The following SPHKAP variants were observed in gnomAD, a reference collection of about 807,000 sequenced individuals.
SPHKAP encodes the protein A-kinase anchor protein SPHKAP.
A neutral mutation model predicts 137.5 loss-of-function variants in SPHKAP; 67 were observed. That is an observed-to-expected ratio of 0.49 (90% CI 0.40 to 0.60). The LOEUF (loss-of-function observed/expected upper bound fraction) is 0.60, where lower values mean the gene tolerates loss of function less well. Among genes scored for constraint, SPHKAP ranks in the 20% least tolerant of loss-of-function variants. The pLI is 0.00. For synonymous variants in SPHKAP, 813 were observed against 785.3 expected (o/e 1.04, Z -0.59); for missense variants, 2,097 against 2,069.3 (o/e 1.01, Z -0.26).
intron 3 of SPHKAP, among the ~76,000 whole-genome samples, chr2:228,069,369 G>A (rs1328354893): frequency 6.6e-6 from 1 of 151,740 alleles, no homozygotes; most frequent in Non-Finnish European, 1.5e-5. Context: ...TCCACTCCTT[G>A]CACTGTACCT....
chr2:228,001,624 G>A (rs1358377950), intron 7 of SPHKAP, among the ~76,000 whole-genome samples: 3 of 150,238 alleles, frequency 2.0e-5, no homozygotes, highest in Non-Finnish European at 4.4e-5. Context: ...CAATGTGCAG[G>A]TTTGTTACAT....
chr2:228,035,608 A>G (rs1162677632), intron 3 of SPHKAP, among the ~76,000 whole-genome samples: 1 of 152,258 alleles, frequency 6.6e-6, no homozygotes, highest in African/African-American at 2.4e-5. Flanking sequence ...AGCTGGAGGC[A>G]TCACACTGCC....
At chr2:228,095,672 AG>A (rs1455589348) in intron 3 of SPHKAP, among the ~76,000 whole-genome samples, 5 of 152,176 alleles carry the variant, frequency 3.3e-5, no homozygotes, top group Non-Finnish European at 1.5e-5. Context: ...TAGTAAAAGA[AG>A]GGACATAGTG....
intron 3 of SPHKAP, among the ~76,000 whole-genome samples, chr2:228,091,789 G>A (rs139017375): frequency 1.3e-5 from 2 of 152,226 alleles, no homozygotes; most frequent in Non-Finnish European, 2.9e-5. Flanking sequence ...CATAAATGTG[G>A]TGAAAAGGGA....
intron 1 of SPHKAP, among the ~76,000 whole-genome samples, chr2:228,178,659 A>T (rs1021662671): frequency 1.1e-4 from 16 of 150,760 alleles, no homozygotes; most frequent in African/African-American, 3.9e-4. Flanking sequence ...TCCCTCTTAA[A>T]TTTTTTTTTT....
chr2:228,046,704 A>G (rs1696070927), intron 3 of SPHKAP, among the ~76,000 whole-genome samples: 1 of 152,202 alleles, frequency 6.6e-6, no homozygotes, highest in East Asian at 1.9e-4. Flanking sequence ...AACAACAAAA[A>G]GAATAAAGAA....
chr2:228,062,297 G>T (rs1370795857), intron 3 of SPHKAP, among the ~76,000 whole-genome samples: 1 of 151,510 alleles, frequency 6.6e-6, no homozygotes, highest in African/African-American at 2.4e-5. Context: ...GCTAATTTTT[G>T]TGTTTTTAGT....
In SPHKAP at chr2:228,026,673, T is replaced by C. The variant is rs115239988; in HGVS notation, c.306+811A>G. The stretch of plus-strand genomic sequence containing the variant: ...ATTCTATCAAATACAATTGTATGTG[T>C]AATTTCTTTTGAAAATCCCATAGTA... On this transcript the variant is annotated intron_variant, in intron 4 of 11. Coordinates refer to ENST00000392056, the MANE Select transcript of SPHKAP (RefSeq NM_001142644.2). Among the ~76,000 whole-genome samples, 1,483 of 152,336 alleles carry C rather than the reference T, an allele frequency of 9.7e-3. 24 individuals carry two copies. The highest frequency in any genetic ancestry group is 0.035 in the African/African-American group (1,435 of 41,588).
At chr2:228,005,372 AC>A (rs1694088482) in intron 7 of SPHKAP, among the ~76,000 whole-genome samples, 1 of 152,006 alleles carries the variant, frequency 6.6e-6, no homozygotes, top group African/African-American at 2.4e-5. Flanking sequence ...TAGGATTGTA[AC>A]CCCTGCCTTT....
intron 2 of SPHKAP, among the ~76,000 whole-genome samples, chr2:228,125,183 G>T (rs754205059): frequency 4.6e-5 from 7 of 152,122 alleles, no homozygotes; most frequent in Non-Finnish European, 1.0e-4. Flanking sequence ...TGAATCCTAT[G>T]CAGAGACTCG....
In SPHKAP at chr2:228,016,423, G is replaced by A. The variant is rs749021601; in HGVS notation, c.4431C>T (p.Ser1477=). 22 of 1,599,506 alleles carry A rather than the reference G, an allele frequency of 1.4e-5. No homozygotes were observed. The highest frequency in any genetic ancestry group is 3.4e-4 in the Middle Eastern group (2 of 5,948). ...DVVRGGDTAV[S]ACQIHSDSLD... ...TCACTCACCTATGGATTTGACAAGC[G>A]CTCACGGCTGTGTCTCCACCTCTCA... is the stretch of plus-strand genomic sequence containing the variant. Residue 1477 remains serine, a synonymous_variant, in exon 7 of 12, where the codon AGC becomes AGT. Transcript: ENST00000392056.
chr2:228,037,056 A>C (rs1338327018), intron 3 of SPHKAP, among the ~76,000 whole-genome samples: 1 of 152,020 alleles, frequency 6.6e-6, no homozygotes, highest in Non-Finnish European at 1.5e-5. Context: ...AATAGATAAA[A>C]TATTTTTCAG....
At chr2:228,162,373 T>C (rs779966808) in intron 1 of SPHKAP, among the ~76,000 whole-genome samples, 1 of 152,252 alleles carries the variant, frequency 6.6e-6, no homozygotes, top group Non-Finnish European at 1.5e-5. Context: ...TGTGGAAATG[T>C]CTCTTATATT....
At chr2:228,118,240 G>GTTTTTTTTTTTTTTTTTTTTT (rs71299665) in intron 2 of SPHKAP, among the ~76,000 whole-genome samples, 3 of 124,146 alleles carry the variant, frequency 2.4e-5, no homozygotes, top group African/African-American at 3.0e-5. Context: ...GAGATACACA[G>GTTTTTTTTTTTTTTTTTTTTT]TTTTTTTTTT....
chr2:228,093,182 T>A (rs559488983), intron 3 of SPHKAP, among the ~76,000 whole-genome samples: 1 of 152,328 alleles, frequency 6.6e-6, no homozygotes, highest in South Asian at 2.1e-4. Context: ...CTAGTGGGAA[T>A]GTAAAATGGT....
At chr2:228,178,456 AGACT>A (rs1700800966) in intron 1 of SPHKAP, among the ~76,000 whole-genome samples, 1 of 152,132 alleles carries the variant, frequency 6.6e-6, no homozygotes, top group African/African-American at 2.4e-5. Flanking sequence ...TATAAAAGTG[AGACT>A]GACTTTTTTT....
In SPHKAP at chr2:228,018,407, C is replaced by A; in HGVS notation, c.2447G>T (p.Arg816Leu). The A allele has an allele frequency of 6.2e-7, 1 of 1,613,992 alleles. No individual in the cohort carries two copies. The highest frequency in any genetic ancestry group is 1.7e-5 in the Admixed American group (1 of 60,004). Residue 816 changes from arginine (R) to leucine (L), a missense_variant, in exon 7 of 12, where the codon CGT (arginine) becomes CTT (leucine). Physicochemically the swap from Arg to Leu is moderately radical, Grantham distance 102. Transcript: ENST00000392056. ...TGAAGAATCGGGCACTCTGTGACTA[C>A]GTGATAATTGTGACTGCAGCGTGGG... ...KNPTLQSQLS[R>L]SHRVPDSSTA...
At chr2:228,005,227 T>A (rs1694081133) in intron 7 of SPHKAP, among the ~76,000 whole-genome samples, 1 of 152,232 alleles carries the variant, frequency 6.6e-6, no homozygotes, top group Non-Finnish European at 1.5e-5. Flanking sequence ...GCTTTATGAA[T>A]CTGGGTGCTC....
intron 3 of SPHKAP, among the ~76,000 whole-genome samples, chr2:228,095,209 G>A (rs1343643488): frequency 1.3e-5 from 2 of 152,266 alleles, no homozygotes; most frequent in Non-Finnish European, 1.5e-5. Flanking sequence ...TTTTGGCCAC[G>A]TGCAGATGGG....
Sources: gnomAD v4.1 joint callset for allele counts (sites outside exome capture counted in the v4.1 genomes callset) on GRCh38, gnomAD v4.1.1 for gene constraint, MANE v1.5 for transcripts, NCBI Gene and HGNC (gene_info 2026-07-23, HGNC 2026-07-21) for gene names.